SLC66A3: variants seen among roughly 807,000 people sequenced by gnomAD.
The protein encoded by SLC66A3 is PQ loop repeat containing 3.
In SLC66A3, 23 loss-of-function variants were observed where a neutral mutation model predicts 25.5. The observed-to-expected ratio is 0.90, with a 90% CI of 0.65 to 1.28. The LOEUF is 1.28. SLC66A3 is among the 50% of genes most tolerant of loss of function. The pLI is 0.00. For synonymous variants in SLC66A3, 108 were observed against 112.6 expected (o/e 0.96, Z 0.26); for missense variants, 246 against 262.1 (o/e 0.94, Z 0.42).
intron 6 of SLC66A3, among the ~76,000 whole-genome samples, chr2:11,176,444 G>T (rs1297756533): frequency 6.6e-6 from 1 of 151,846 alleles, no homozygotes; most frequent in African/African-American, 2.4e-5. Context: ...TCAAACTCCT[G>T]ACCTCAGGTG....
intron 1 of SLC66A3, among the ~76,000 whole-genome samples, chr2:11,158,888 T>TG (rs1205568994): frequency 6.6e-6 from 1 of 152,078 alleles, no homozygotes; most frequent in Non-Finnish European, 1.5e-5. Flanking sequence ...GCTGCAGGGA[T>TG]GGGGGGAGTT....
At chr2:11,157,467 C>T (rs1179946648) in intron 1 of SLC66A3, among the ~76,000 whole-genome samples, 1 of 152,196 alleles carries the variant, frequency 6.6e-6, no homozygotes, top group Non-Finnish European at 1.5e-5. Flanking sequence ...GCCCTCCTGT[C>T]TCCCTGCCTG....
chr2:11,161,780 CA>C (rs1466034147), intron 3 of SLC66A3, among the ~76,000 whole-genome samples: 1 of 152,244 alleles, frequency 6.6e-6, no homozygotes, highest in Non-Finnish European at 1.5e-5. Context: ...CTTGGCTTTC[CA>C]AAGTGCTGGG....
In SLC66A3 at chr2:11,161,947, G is replaced by A. The variant is rs549861843; in HGVS notation, c.296+1253G>A. ...GAGGGCAGAGCCAGGCCTGTGGCCC[G>A]CAGGCCATGAGAATGTGGGTGTGGA... is the stretch of plus-strand genomic sequence containing the variant. On this transcript the variant is annotated intron_variant, in intron 3 of 6. Coordinates refer to ENST00000295083, the MANE Select transcript of SLC66A3 (RefSeq NM_152391.5). Among the ~76,000 whole-genome samples the A allele has an allele frequency of 7.2e-5, 11 of 152,340 alleles. No homozygotes were observed. In the East Asian group the frequency reaches 1.5e-3, roughly 21 times the overall value.
At chr2:11,164,682 C>T (rs945171654) in intron 4 of SLC66A3, among the ~76,000 whole-genome samples, 2 of 151,074 alleles carry the variant, frequency 1.3e-5, no homozygotes, top group African/African-American at 2.5e-5. Context: ...GAGGACCCTG[C>T]GGCCTTCCGC....
intron 1 of SLC66A3, among the ~76,000 whole-genome samples, chr2:11,156,775 G>A (rs953921943): frequency 3.9e-5 from 6 of 152,172 alleles, no homozygotes; most frequent in African/African-American, 1.4e-4. Flanking sequence ...TACCCTGCGG[G>A]GTGGGGAGGG....
chr2:11,175,494 G>A (rs1188394840), intron 6 of SLC66A3, among the ~76,000 whole-genome samples: 1 of 152,216 alleles, frequency 6.6e-6, no homozygotes, highest in Admixed American at 6.5e-5. Context: ...CATGAGCGAA[G>A]GACAAAGGGC....
chr2:11,157,611 G>A (rs183329234), intron 1 of SLC66A3, among the ~76,000 whole-genome samples: 10 of 152,368 alleles, frequency 6.6e-5, no homozygotes, highest in Admixed American at 2.0e-4. Flanking sequence ...CAGGGCTGTC[G>A]CAGTCAGCCA....
At chr2:11,172,747 A>G (rs1209250298) in intron 5 of SLC66A3, 2 of 434,434 alleles carry the variant, frequency 4.6e-6, no homozygotes, top group Admixed American at 5.0e-5. Context: ...TTTTCCTTTG[A>G]CAGGGTCTCG....
At chr2:11,172,089 A>T (rs1472455338) in intron 5 of SLC66A3, 44 bp downstream of exon 5, 1 of 1,604,988 alleles carries the variant, frequency 6.2e-7, no homozygotes, top group South Asian at 1.1e-5. Context: ...TGGTAGCACC[A>T]AGTGTCTACG....
intron 4 of SLC66A3, among the ~76,000 whole-genome samples, chr2:11,165,831 C>T (rs1342250672): frequency 5.3e-5 from 8 of 149,892 alleles, no homozygotes; most frequent in Middle Eastern, 3.4e-3. Flanking sequence ...CCGGCCAACA[C>T]AGCGAAACCC....
At position 11,174,984 on chromosome 2, in the gene SLC66A3, C is replaced by T. The variant is rs769145598; in HGVS notation, c.492C>T (p.Thr164=). 1 of 1,608,650 alleles carries T rather than the reference C, an allele frequency of 6.2e-7. No homozygotes were observed. The highest frequency in any genetic ancestry group is 8.5e-7 in the Non-Finnish European group (1 of 1,178,080). ...SYTCATRIIT[T]LMTTNDFTIL... is the part of the protein sequence containing the mutation. Reference sequence around the variant, plus strand: ...CTTTTACAGCAAGAATAATCACAACCTTAATGACCACCAATGATTTTACAA... The same window carrying T: ...CTTTTACAGCAAGAATAATCACAACTTTAATGACCACCAATGATTTTACAA... Residue 164 remains threonine, a synonymous_variant, in exon 6 of 7, where the codon ACC becomes ACT. Coordinates refer to ENST00000295083, the MANE Select transcript of SLC66A3 (RefSeq NM_152391.5).
In SLC66A3 at chr2:11,160,511, G is replaced by A. The variant is rs376766453; in HGVS notation, c.189G>A (p.Pro63=). The part of the protein sequence containing the change: ...LRYQCYYGYP[P]LTYLEYPILI... ...ACCAGTGTTACTATGGGTATCCGCC[G>A]CTGACCTACCTGGAGTACCCCATCC... is the stretch of plus-strand genomic sequence containing the variant. Residue 63 remains proline (P), a synonymous_variant, in exon 2 of 7, where the codon CCG becomes CCA. Transcript: ENST00000295083. 9.3e-6 allele frequency: 15 copies of A among 1,613,956 alleles called. No homozygotes were observed. The Admixed American group carries it at 1.3e-4, about 14-fold the overall frequency.
intron 5 of SLC66A3, among the ~76,000 whole-genome samples, chr2:11,174,467 T>C (rs927182338): frequency 2.0e-5 from 3 of 152,122 alleles, no homozygotes; most frequent in African/African-American, 4.8e-5. Context: ...CATTGGGCCA[T>C]TGGGGTAGGA....
chr2:11,170,787 C>T (rs903813704), intron 4 of SLC66A3, among the ~76,000 whole-genome samples: 1 of 151,784 alleles, frequency 6.6e-6, no homozygotes, highest in African/African-American at 2.4e-5. Context: ...GACGGGGTTT[C>T]ACCATGTTGG....
In SLC66A3 at chr2:11,177,717, C is replaced by T. The variant is rs549499330; in HGVS notation, c.518-20C>T. ...TGTATTGTAAAGACAGTTTTTAATA[C>T]ACTTTTTTTTTTATTTCAGTTCTTC... On this transcript the variant is annotated intron_variant, in intron 6 of 6. Coordinates refer to ENST00000295083, the MANE Select transcript of SLC66A3 (RefSeq NM_152391.5). 18 of 1,513,200 alleles carry T rather than the reference C, an allele frequency of 1.2e-5. No homozygotes were observed. The highest frequency in any genetic ancestry group is 3.4e-4 in the Middle Eastern group (2 of 5,868). 93.7% of individuals were successfully genotyped at this position (1,513,200 alleles called of 1,614,324 possible). A position where few individuals can be genotyped will look rare whatever the true frequency, so the allele number is the denominator to read the frequency against.
At position 11,155,490 on chromosome 2, in the gene SLC66A3, C is replaced by A; in HGVS notation, c.-57C>A. ...GAAGGCTTCGGCAGAGCTGCGCCGC[C>A]GAGGCTGAGCGGTCCCTTCTCGCTG... On this transcript the variant is annotated 5_prime_UTR_variant, in exon 1 of 7. Coordinates refer to ENST00000295083, the MANE Select transcript of SLC66A3 (RefSeq NM_152391.5). The A allele has an allele frequency of 1.7e-5, 24 of 1,428,066 alleles. No individual in the cohort carries two copies. The highest frequency in any genetic ancestry group is 2.0e-5 in the Non-Finnish European group (22 of 1,099,340). 88.5% of individuals were successfully genotyped at this position (1,428,066 alleles called of 1,614,324 possible). A position where few individuals can be genotyped will look rare whatever the true frequency, so the allele number is the denominator to read the frequency against.
intron 1 of SLC66A3, among the ~76,000 whole-genome samples, chr2:11,159,001 T>C (rs906559707): frequency 1.3e-5 from 2 of 152,084 alleles, no homozygotes; most frequent in African/African-American, 4.8e-5. Flanking sequence ...TCTTGTATGT[T>C]CTTGGTGTCT....
chr2:11,177,831 G>T lies in SLC66A3; in HGVS notation c.*3G>T. On this transcript the variant is annotated 3_prime_UTR_variant, in exon 7 of 7. Coordinates refer to ENST00000295083, the MANE Select transcript of SLC66A3 (RefSeq NM_152391.5). ...AGACCGCTATAAAGGCTGAATGATG[G>T]ATACATTATTCCTTCACACAGTGGA... is the stretch of plus-strand genomic sequence containing the variant. The T allele has an allele frequency of 2.0e-6, 3 of 1,525,366 alleles. No homozygotes were observed. The highest frequency in any genetic ancestry group is 2.7e-6 in the Non-Finnish European group (3 of 1,100,252). 94.5% of individuals were successfully genotyped at this position (1,525,366 alleles called of 1,614,324 possible).
Sources: allele counts gnomAD v4.1 joint callset (sites outside exome capture counted in the v4.1 genomes callset), GRCh38; gene constraint gnomAD v4.1.1; transcripts MANE v1.5; gene names NCBI Gene and HGNC (gene_info 2026-07-23, HGNC 2026-07-21).